The following SLC2A9 variants were observed in gnomAD, a reference collection of about 807,000 sequenced individuals.
SLC2A9 encodes solute carrier family 2 member 9, also known as solute carrier family 2, facilitated glucose transporter member 9.
Under a neutral mutation model 50.6 loss-of-function variants are expected in SLC2A9, and 39 were observed. That is an observed-to-expected ratio of 0.77 (90% CI 0.60 to 1.01). The LOEUF (loss-of-function observed/expected upper bound fraction) is 1.01. SLC2A9 is among the 50% of genes least tolerant of loss of function. The pLI is 0.00. For synonymous variants in SLC2A9, 324 were observed against 276.9 expected, an observed-to-expected ratio of 1.17 and a Z score of -1.69; for missense variants, 686 against 677.6, an observed-to-expected ratio of 1.01 and a Z score of -0.14.
At chr4:9,869,294 G>T (rs185519821) in intron 10 of SLC2A9, among the ~76,000 whole-genome samples, 38 of 152,228 alleles carry the variant, frequency 2.5e-4, no homozygotes. Flanking sequence ...ATGCAAACCT[G>T]GTCAGTCCAT....
intron 4 of SLC2A9, among the ~76,000 whole-genome samples, chr4:9,984,737 TC>T (rs1393861532): frequency 2.0e-5 from 3 of 152,182 alleles, no homozygotes; most frequent in Non-Finnish European, 4.4e-5. Flanking sequence ...TCTCTGCAGC[TC>T]CCCACCTAGC....
intron 8 of SLC2A9, among the ~76,000 whole-genome samples, chr4:9,905,644 T>C (rs1425714970): frequency 1.3e-5 from 2 of 152,204 alleles, no homozygotes; most frequent in African/African-American, 4.8e-5. Flanking sequence ...TGCCAGAGCA[T>C]CGGGATGAGA....
intron 3 of SLC2A9, among the ~76,000 whole-genome samples, chr4:9,800,674 A>G (rs975169286): frequency 3.9e-5 from 6 of 152,232 alleles, no homozygotes; most frequent in Non-Finnish European, 8.8e-5. Context: ...AGGAAAAGGA[A>G]CACTAAAAAT....
intron 5 of SLC2A9, among the ~76,000 whole-genome samples, chr4:9,958,886 G>GA (rs11338280): frequency 6.6e-6 from 1 of 151,722 alleles, no homozygotes; most frequent in East Asian, 1.9e-4. Context: ...TGGAGAATTT[G>GA]AAAAAAATTA....
chr4:10,028,197 C>G (rs1763816679), intron 1 of SLC2A9, among the ~76,000 whole-genome samples: 1 of 152,196 alleles, frequency 6.6e-6, no homozygotes. Flanking sequence ...CCCACAGGAC[C>G]AAGCAATTTC....
At chr4:9,942,866 A>G (rs1372929997) in intron 5 of SLC2A9, among the ~76,000 whole-genome samples, 1 of 152,232 alleles carries the variant, frequency 6.6e-6, no homozygotes, top group Non-Finnish European at 1.5e-5. Flanking sequence ...GATCATGAGA[A>G]GGAGGAAAAA....
chr4:9,921,324 A>G (rs1577900067), intron 6 of SLC2A9, among the ~76,000 whole-genome samples: 5 of 152,120 alleles, frequency 3.3e-5, no homozygotes, highest in Admixed American at 3.3e-4. Context: ...TGAAGACCTT[A>G]ATTGTGCAAA....
At chr4:9,957,614 A>G (rs1578080609) in intron 5 of SLC2A9, among the ~76,000 whole-genome samples, 1 of 152,246 alleles carries the variant, frequency 6.6e-6, no homozygotes, top group Admixed American at 6.5e-5. Flanking sequence ...TAAATATTAT[A>G]TCTAAAAAAC....
chr4:9,979,841 T>G (rs1297704003), intron 5 of SLC2A9, among the ~76,000 whole-genome samples: 1 of 152,282 alleles, frequency 6.6e-6, no homozygotes, highest in Middle Eastern at 3.4e-3. Flanking sequence ...CACAGCCATC[T>G]GAGTTCTTTC....
At chr4:9,795,797 G>A (rs1336549945), downstream of SLC2A9, among the ~76,000 whole-genome samples, 1 of 152,178 alleles carries the variant, frequency 6.6e-6, no homozygotes, top group Admixed American at 6.5e-5. Context: ...TCCTTGTGTG[G>A]CTAGAGGGCA....
intron 6 of SLC2A9, among the ~76,000 whole-genome samples, chr4:9,932,075 C>T (rs1746252143): frequency 6.8e-6 from 1 of 146,458 alleles, no homozygotes; most frequent in Non-Finnish European, 1.5e-5. Context: ...AAGACAGAAA[C>T]ATCACAGAAG....
chr4:9,890,190 C>T (rs1323917463), intron 9 of SLC2A9, among the ~76,000 whole-genome samples: 1 of 152,184 alleles, frequency 6.6e-6, no homozygotes, highest in Non-Finnish European at 1.5e-5. Context: ...GGCTCCAGAG[C>T]CACTGTTCCT....
intron 10 of SLC2A9, among the ~76,000 whole-genome samples, chr4:9,850,548 C>T (rs919345367): frequency 6.6e-6 from 1 of 152,140 alleles, no homozygotes; most frequent in African/African-American, 2.4e-5. Flanking sequence ...AGATGCCCAA[C>T]CAGGGTGCTT....
At position 9,866,044 on chromosome 4, in the gene SLC2A9, A is replaced by T. The variant is rs1213441507; in HGVS notation, c.1291+21523T>A. Among the ~76,000 whole-genome samples, 4 of 152,126 alleles carry T rather than the reference A, an allele frequency of 2.6e-5. No individual in the cohort carries two copies. In the East Asian group the frequency reaches 7.7e-4, roughly 29 times the overall value. On this transcript the variant is annotated intron_variant, in intron 10 of 11. Transcript: ENST00000264784. ...AGTGGTTTCATTCCTCAAGCCATTC[A>T]GGAGGGCAAGGAGGGACTTGTGGCA...
chr4:9,823,751 C>T (rs762967020), downstream of SLC2A9, among the ~76,000 whole-genome samples: 2 of 152,026 alleles, frequency 1.3e-5, no homozygotes, highest in African/African-American at 2.4e-5. Flanking sequence ...AGAGTATAAA[C>T]AAAAGGGTTT....
chr4:9,858,164 C>CAT (rs1731023435), intron 10 of SLC2A9, among the ~76,000 whole-genome samples: 1 of 152,110 alleles, frequency 6.6e-6, no homozygotes, highest in Admixed American at 6.5e-5. Context: ...AATTGATCTG[C>CAT]ATAGGGAAGC....
chr4:9,915,642 A>G (rs1373891824), intron 7 of SLC2A9, among the ~76,000 whole-genome samples: 3 of 152,180 alleles, frequency 2.0e-5, no homozygotes, highest in African/African-American at 7.2e-5. Flanking sequence ...CCATAACTCA[A>G]AAGTTCAATG....
chr4:9,788,193 C>A (rs1363635185), intron 3 of SLC2A9, among the ~76,000 whole-genome samples: 2 of 151,526 alleles, frequency 1.3e-5, no homozygotes, highest in Non-Finnish European at 2.9e-5. Context: ...TTTTAGTTTT[C>A]TGTTTGTTTG....
chr4:9,773,250 C>T (rs994765608), intron 1 of SLC2A9, among the ~76,000 whole-genome samples: 1 of 152,178 alleles, frequency 6.6e-6, no homozygotes, highest in Admixed American at 6.5e-5. Flanking sequence ...TCCACCTGCC[C>T]CTCCCCATCC....
Sources: allele counts gnomAD v4.1 joint callset (sites outside exome capture counted in the v4.1 genomes callset), GRCh38; gene constraint gnomAD v4.1.1; transcripts MANE v1.5; gene names NCBI Gene and HGNC (gene_info 2026-07-23, HGNC 2026-07-21).